The following MSH4 variants were observed in gnomAD, a reference collection of about 807,000 sequenced individuals.
MSH4 encodes the protein mutS homolog 4.
A neutral mutation model predicts 113.7 loss-of-function variants in MSH4; 106 were observed. That is an observed-to-expected ratio of 0.93 (90% confidence interval 0.80 to 1.10). MSH4 has a LOEUF of 1.10. Ranked by LOEUF, MSH4 falls within the 50% of genes least tolerant of loss-of-function variation. The pLI, the probability that MSH4 is intolerant of heterozygous loss-of-function variation, is 0.00. For synonymous variants in MSH4, 368 were observed against 380.2 expected, an observed-to-expected ratio of 0.97 and a Z score of 0.37; for missense variants, 1,061 against 1,093.7, an observed-to-expected ratio of 0.97 and a Z score of 0.42.
chr1:75,848,694 G>A (rs1020267598), intron 8 of MSH4, among the ~76,000 whole-genome samples: 5 of 152,056 alleles, frequency 3.3e-5, no homozygotes, highest in Non-Finnish European at 5.9e-5. Flanking sequence ...AGCTGTGTTC[G>A]CATCACTGCA....
In MSH4 at chr1:75,797,057, C is replaced by G. The variant is rs373132493; in HGVS notation, c.72C>G (p.Arg24=). ...PAVSPSSGET[R]SPQGPRYNFG... ...TTTCCCCGTCGTCGGGAGAAACCCGCTCACCTCAGGGTCCCCGCTACAATT... is the reference window on the plus strand; with the variant it reads ...TTTCCCCGTCGTCGGGAGAAACCCGGTCACCTCAGGGTCCCCGCTACAATT... Residue 24 remains arginine (R), a synonymous_variant, in exon 1 of 20, where the codon CGC becomes CGG. Transcript: ENST00000263187. 7 of 1,613,972 alleles carry G rather than the reference C, an allele frequency of 4.3e-6. No individual in the cohort carries two copies. Among genetic ancestry groups the G allele is most frequent in the Non-Finnish European group, 5.9e-6 (7 of 1,179,964 alleles).
Position 75,807,132 on chromosome 1 carries a change from A to G in MSH4, c.579A>G (p.Thr193=). 1 of 1,559,676 alleles carries G rather than the reference A, an allele frequency of 6.4e-7. No individual in the cohort carries two copies. The highest frequency in any genetic ancestry group is 8.6e-7 in the Non-Finnish European group (1 of 1,162,766). Residue 193 remains threonine, a synonymous_variant, in exon 3 of 20, where the codon ACA becomes ACG. Transcript: ENST00000263187. ...IILSQFADNT[T]YAKVITKLKI... ...TATCCCAGTTTGCAGACAACACAAC[A>G]TATGCAAAGGTAAGTATTAATAATT...
At chr1:75,817,594 A>G (rs1186289481) in intron 6 of MSH4, among the ~76,000 whole-genome samples, 1 of 152,222 alleles carries the variant, frequency 6.6e-6, no homozygotes, top group African/African-American at 2.4e-5. Flanking sequence ...AGTTGAAAGG[A>G]ACAATTGAAA....
intron 15 of MSH4, among the ~76,000 whole-genome samples, chr1:75,887,339 G>C (rs1036514547): frequency 6.6e-6 from 1 of 152,024 alleles, no homozygotes; most frequent in African/African-American, 2.4e-5. Context: ...CGTCATGATT[G>C]TAAGTTTCCT....
chr1:75,907,519 C>A (rs34762383), intron 19 of MSH4, among the ~76,000 whole-genome samples: 7,149 of 151,458 alleles, frequency 0.047, 209 homozygotes, highest in African/African-American at 0.065. Flanking sequence ...GTTCTGTGAC[C>A]TCTTGTACCT....
In MSH4 at chr1:75,890,771, G is replaced by A; in HGVS notation, c.2302G>A (p.Glu768Lys). 6.2e-7 allele frequency: 1 copy of A among 1,610,510 alleles called. No homozygotes were observed. The highest frequency in any genetic ancestry group is 8.5e-7 in the Non-Finnish European group (1 of 1,178,210). ...IDELGRGTNT[E>K]EGIGICYAVC... ...TGAACTTGGCAGAGGTACTAATACG[G>A]AAGAAGGTATTGGCATTTGTTATGC... Residue 768 changes from glutamate to lysine, a missense_variant, in exon 17 of 20, where the codon GAA (glutamate) becomes AAA (lysine). Glu to Lys is a moderately conservative substitution (Grantham distance 56). Transcript: ENST00000263187.
intron 1 of MSH4, among the ~76,000 whole-genome samples, chr1:75,802,880 A>G (rs1267275099): frequency 6.6e-6 from 1 of 151,998 alleles, no homozygotes; most frequent in Non-Finnish European, 1.5e-5. Context: ...GAGTCTCTGT[A>G]GAGTCCTGTA....
intron 8 of MSH4, among the ~76,000 whole-genome samples, chr1:75,864,601 C>T (rs1192182911): frequency 2.0e-5 from 3 of 152,126 alleles, no homozygotes; most frequent in African/African-American, 7.2e-5. Flanking sequence ...GTTGAACATC[C>T]TTTCATATGT....
intron 5 of MSH4, among the ~76,000 whole-genome samples, chr1:75,815,866 G>A (rs1170108439): frequency 6.6e-6 from 1 of 151,978 alleles, no homozygotes; most frequent in East Asian, 1.9e-4. Flanking sequence ...AAATTACCTG[G>A]GTGTGGTGGT....
At chr1:75,834,770 G>T (rs1650791800) in intron 7 of MSH4, among the ~76,000 whole-genome samples, 1 of 152,124 alleles carries the variant, frequency 6.6e-6, no homozygotes, top group Non-Finnish European at 1.5e-5. Flanking sequence ...ACACACCAGG[G>T]TCTGTCGTGG....
intron 8 of MSH4, among the ~76,000 whole-genome samples, chr1:75,859,370 A>G (rs1250023783): frequency 6.6e-6 from 1 of 152,072 alleles, no homozygotes; most frequent in Non-Finnish European, 1.5e-5. Context: ...TCAATTTTAG[A>G]TCTTCCCTGC....
At chr1:75,841,157 TTCCCTCCC>T (rs5745393) in intron 7 of MSH4, among the ~76,000 whole-genome samples, 1 of 132,426 alleles carries the variant, frequency 7.6e-6, no homozygotes, top group Admixed American at 8.2e-5. Context: ...AGTCATTTCC[TTCCCTCCC>T]TCCCTCCCTC....
At chr1:75,883,515 TTGA>T in intron 14 of MSH4, 103 bp from the exon 15 acceptor site, 1 of 858,744 alleles carries the variant, frequency 1.2e-6, no homozygotes, top group Non-Finnish European at 1.8e-6. Flanking sequence ...TTATTCCAAA[TTGA>T]CCAGTGTGAA....
intron 6 of MSH4, among the ~76,000 whole-genome samples, chr1:75,819,011 C>T (rs1222547462): frequency 3.3e-5 from 5 of 152,084 alleles, no homozygotes; most frequent in Non-Finnish European, 7.4e-5. Context: ...CATGATCCAC[C>T]CGCCTCGGCC....
intron 8 of MSH4, among the ~76,000 whole-genome samples, chr1:75,856,659 T>A (rs1651324970): frequency 6.6e-6 from 1 of 152,248 alleles, no homozygotes; most frequent in African/African-American, 2.4e-5. Flanking sequence ...GGTGTATATG[T>A]GCCACAATTT....
At chr1:75,883,551 C>A in intron 14 of MSH4, 70 bp from the exon 15 acceptor site, 4 of 1,209,466 alleles carry the variant, frequency 3.3e-6, no homozygotes, top group Middle Eastern at 2.7e-4. Context: ...ATAGACAATA[C>A]ATACACACTA....
intron 7 of MSH4, among the ~76,000 whole-genome samples, chr1:75,823,895 G>T (rs903047448): frequency 6.6e-6 from 1 of 152,090 alleles, no homozygotes; most frequent in Non-Finnish European, 1.5e-5. Flanking sequence ...ATTTGGGTTG[G>T]TTCCAAGCCT....
intron 6 of MSH4, among the ~76,000 whole-genome samples, chr1:75,821,336 A>C (rs1160334667): frequency 6.6e-6 from 1 of 152,076 alleles, no homozygotes; most frequent in African/African-American, 2.4e-5. Context: ...AGGCAGAAAT[A>C]AAGATGTTCT....
chr1:75,843,063 A>G (rs1490548628), intron 7 of MSH4, among the ~76,000 whole-genome samples: 1 of 152,182 alleles, frequency 6.6e-6, no homozygotes, highest in Non-Finnish European at 1.5e-5. Context: ...TAATGGCATA[A>G]GCTGTCCTTC....
Sources: gnomAD v4.1 joint callset for allele counts (sites outside exome capture counted in the v4.1 genomes callset) on GRCh38, gnomAD v4.1.1 for gene constraint, MANE v1.5 for transcripts, NCBI Gene and HGNC (gene_info 2026-07-23, HGNC 2026-07-21) for gene names.